The following DOCK2 variants were observed in gnomAD, a reference collection of about 807,000 sequenced individuals.
DOCK2 encodes the protein dedicator of cytokinesis 2, also known as dedicator of cytokinesis protein 2.
Under a neutral mutation model 248.9 loss-of-function variants are expected in DOCK2, and 87 were observed. The observed-to-expected ratio is 0.35, with a 90% CI of 0.29 to 0.42. The LOEUF (loss-of-function observed/expected upper bound fraction) is 0.42. Among genes scored for constraint, DOCK2 ranks in the 10% least tolerant of loss-of-function variants. The pLI is 1.00. For synonymous variants in DOCK2, 805 were observed against 821.6 expected (o/e 0.98, Z 0.35); for missense variants, 1,747 against 2,300.2 (o/e 0.76, Z 4.92).
rs1196490374 is a variant in DOCK2 at position 169,763,833 on chromosome 5, T to C, written c.2554+2208T>C. Among the ~76,000 whole-genome samples, 1 of 152,198 alleles carries C rather than the reference T, an allele frequency of 6.6e-6. No homozygotes were observed. The highest frequency in any genetic ancestry group is 2.4e-5 in the African/African-American group (1 of 41,462). On this transcript the variant is annotated intron_variant, in intron 25 of 51. Transcript: ENST00000520908. This position sits in a 1 kb window ranked among gnomAD's most constrained non-coding sequence, Gnocchi z 4.1. ...GACCCCTTTCAAAGAGGAGGCAAAG[T>C]GTAATTAGTGTAGCCACGCTCGGCT...
intron 33 of DOCK2, among the ~76,000 whole-genome samples, chr5:170,022,926 G>A (rs868585862): frequency 6.6e-6 from 1 of 152,192 alleles, no homozygotes; most frequent in East Asian, 1.9e-4. Context: ...GCACAGGGAG[G>A]TGCATTCCAG....
At chr5:169,998,725 C>G (rs1449051311) in intron 30 of DOCK2, among the ~76,000 whole-genome samples, 1 of 152,218 alleles carries the variant, frequency 6.6e-6, no homozygotes, top group Admixed American at 6.5e-5. Context: ...ACCCAGATGA[C>G]TACAGCCACG....
At position 169,702,426 on chromosome 5, in the gene DOCK2, C is replaced by T. The variant is rs1472566080; in HGVS notation, c.1382C>T (p.Pro461Leu). 1 of 1,613,640 alleles carries T rather than the reference C, an allele frequency of 6.2e-7. No homozygotes were observed. The highest frequency in any genetic ancestry group is 1.1e-5 in the South Asian group (1 of 91,054). ...CVCAEDGKTLPNAICVGAGDK... is the reference protein window; with the variant it reads ...CVCAEDGKTLLNAICVGAGDK... The stretch of plus-strand genomic sequence containing the variant: ...TGCGCGGAGGATGGCAAAACGCTGC[C>T]TGTAAGGGACTCACTGCTGCTCTGG... Residue 461 changes from proline to leucine, a missense_variant and splice_region_variant, in exon 14 of 52, where the codon CCT becomes CTT. Physicochemically the swap from Pro to Leu is moderately conservative, Grantham distance 98. This residue lies in a region of DOCK2 where 858 missense variants were observed against 1,183.5 expected (regional missense o/e 0.72). Coordinates refer to ENST00000520908, the MANE Select transcript of DOCK2 (RefSeq NM_004946.3).
At chr5:169,905,176 G>T (rs1581393430) in intron 27 of DOCK2, among the ~76,000 whole-genome samples, 1 of 152,194 alleles carries the variant, frequency 6.6e-6, no homozygotes, top group East Asian at 1.9e-4. Context: ...ACACAAGTGG[G>T]TGAAGCCAGC....
intron 5 of DOCK2, 30 bp downstream of exon 5, chr5:169,671,204 G>A (rs1240090943): frequency 1.3e-6 from 2 of 1,588,068 alleles, no homozygotes; most frequent in South Asian, 1.1e-5. Flanking sequence ...TCCCTGAGTT[G>A]GAAGCTTCTT....
At chr5:170,018,435 G>A (rs1023775595) in intron 32 of DOCK2, among the ~76,000 whole-genome samples, 14 of 152,174 alleles carry the variant, frequency 9.2e-5, no homozygotes, top group African/African-American at 2.4e-4. Flanking sequence ...CAGAAGAGAC[G>A]AGAAGTTGTG....
intron 23 of DOCK2, among the ~76,000 whole-genome samples, chr5:169,758,585 C>G (rs1177213269): frequency 6.6e-6 from 1 of 152,196 alleles, no homozygotes; most frequent in Non-Finnish European, 1.5e-5. Context: ...AGAAATGGCT[C>G]TAAGTGCAGC....
At chr5:169,943,782 G>A (rs1276370163) in intron 27 of DOCK2, among the ~76,000 whole-genome samples, 1 of 152,174 alleles carries the variant, frequency 6.6e-6, no homozygotes, top group East Asian at 1.9e-4. Context: ...GTTGACGGTA[G>A]GGTCCAGGGA....
At chr5:169,918,489 T>A (rs966630347) in intron 27 of DOCK2, among the ~76,000 whole-genome samples, 2 of 152,204 alleles carry the variant, frequency 1.3e-5, no homozygotes, top group African/African-American at 4.8e-5. Flanking sequence ...GCTGAGAGCA[T>A]CATCTCACAG....
chr5:169,831,988 T>A (rs1238152148), intron 26 of DOCK2, among the ~76,000 whole-genome samples: 1 of 152,172 alleles, frequency 6.6e-6, no homozygotes, highest in Non-Finnish European at 1.5e-5. Flanking sequence ...GGAGAGGGCC[T>A]AAAGCACCAT....
intron 27 of DOCK2, among the ~76,000 whole-genome samples, chr5:169,907,647 G>T (rs1774358807): frequency 6.6e-6 from 1 of 152,180 alleles, no homozygotes; most frequent in Non-Finnish European, 1.5e-5. Context: ...GAAAATTAAG[G>T]CTCAGAGAGG....
In DOCK2 at chr5:169,942,131, A is replaced by G. The variant is rs149708874; in HGVS notation, c.2800-40937A>G. Among the ~76,000 whole-genome samples the G allele has an allele frequency of 3.5e-3, 530 of 152,272 alleles. 5 individuals carry two copies. In the South Asian group the frequency reaches 0.043, roughly 12 times the overall value. ...CCTTTTCCAAGGTATCAGGAAGCAGATTCTCTCATTAAGATGTTGACACCT... is the reference window on the plus strand; with the variant it reads ...CCTTTTCCAAGGTATCAGGAAGCAGGTTCTCTCATTAAGATGTTGACACCT... On this transcript the variant is annotated intron_variant, in intron 27 of 51. Transcript: ENST00000520908.
At chr5:169,747,760 C>T (rs1040128670) in intron 23 of DOCK2, among the ~76,000 whole-genome samples, 8 of 152,138 alleles carry the variant, frequency 5.3e-5, no homozygotes, top group African/African-American at 1.9e-4. Flanking sequence ...TTAGTCAAAC[C>T]GGATCCACTT....
intron 21 of DOCK2, among the ~76,000 whole-genome samples, chr5:169,718,383 A>T (rs2113557126): frequency 6.6e-6 from 1 of 152,188 alleles, no homozygotes; most frequent in East Asian, 1.9e-4. Context: ...CATTATTCCC[A>T]CTTGTAGCCT....
chr5:169,674,206 G>T, intron 5 of DOCK2, 91 bp from the exon 6 acceptor site: 1 of 1,526,482 alleles, frequency 6.6e-7, no homozygotes, highest in South Asian at 1.3e-5. Context: ...CATGGCCCTT[G>T]ACCACACTCA....
intron 27 of DOCK2, among the ~76,000 whole-genome samples, chr5:169,941,777 C>T (rs1268907095): frequency 1.3e-5 from 2 of 152,100 alleles, no homozygotes; most frequent in Non-Finnish European, 2.9e-5. Flanking sequence ...CATCGAATAC[C>T]ACACGCTTTC....
chr5:169,966,101 A>G (rs1777287861), intron 27 of DOCK2, among the ~76,000 whole-genome samples: 1 of 152,260 alleles, frequency 6.6e-6, no homozygotes, highest in Non-Finnish European at 1.5e-5. Context: ...GCAACAGAAC[A>G]TACTTTGAAG....
chr5:169,952,633 G>C (rs1776706610), intron 27 of DOCK2, among the ~76,000 whole-genome samples: 1 of 152,124 alleles, frequency 6.6e-6, no homozygotes, highest in South Asian at 2.1e-4. Context: ...CCTGCTAAGA[G>C]CTCTGGAATA....
chr5:169,962,633 A>G (rs757668669), intron 27 of DOCK2, among the ~76,000 whole-genome samples: 4 of 152,212 alleles, frequency 2.6e-5, no homozygotes, highest in African/African-American at 7.2e-5. Context: ...AGGTTAGACA[A>G]GATCCCTAAC....
Sources: gnomAD v4.1 joint callset for allele counts (sites outside exome capture counted in the v4.1 genomes callset) on GRCh38, gnomAD v4.1.1 for gene constraint, gnomAD v4.1.1 regional missense constraint, Gnocchi (gnomAD v3.1) non-coding constraint, MANE v1.5 for transcripts, NCBI Gene and HGNC (gene_info 2026-07-23, HGNC 2026-07-21) for gene names.